Variants in APBA2 observed in about 807,000 individuals in gnomAD.
APBA2 encodes the protein amyloid-beta A4 precursor protein-binding family A member 2.
Under a neutral mutation model 75.0 loss-of-function variants are expected in APBA2, and 30 were observed. That is an observed-to-expected ratio of 0.40 (90% confidence interval 0.30 to 0.54). APBA2 has a LOEUF of 0.54. Among genes scored for constraint, APBA2 ranks in the 20% least tolerant of loss-of-function variants. The probability of loss-of-function intolerance (pLI) is 0.49; values close to 1 mark genes in which losing one functional copy is unlikely to be tolerated. For synonymous variants in APBA2, 444 were observed against 409.6 expected, an observed-to-expected ratio of 1.08 and a Z score of -1.01; for missense variants, 801 against 1,016.1, an observed-to-expected ratio of 0.79 and a Z score of 2.88.
At chr15:28,941,438 A>G (rs560657755) in intron 2 of APBA2, among the ~76,000 whole-genome samples, 20 of 151,416 alleles carry the variant, frequency 1.3e-4, no homozygotes, top group Non-Finnish European at 2.6e-4. Context: ...GCACCTGGCC[A>G]TCAAAAGCCA....
In APBA2 at chr15:29,085,482, A is replaced by G. The variant is rs373349778; in HGVS notation, c.1070-7593A>G. On this transcript the variant is annotated intron_variant, in intron 6 of 14. Coordinates refer to ENST00000683413, the MANE Select transcript of APBA2 (RefSeq NM_001353788.2). ...GGAGCTTGCAGTGAGCCGAGATTGCACCACTGCACTCCAGCCTGGGCGACA... is the reference window on the plus strand; with the variant it reads ...GGAGCTTGCAGTGAGCCGAGATTGCGCCACTGCACTCCAGCCTGGGCGACA... Among the ~76,000 whole-genome samples, 72 of 146,740 alleles carry G rather than the reference A, an allele frequency of 4.9e-4. No individual in the cohort carries two copies. In the South Asian group the frequency reaches 6.3e-3, roughly 13 times the overall value.
intron 6 of APBA2, among the ~76,000 whole-genome samples, chr15:29,092,159 A>G (rs2171892): frequency 0.85 from 129,935 of 152,192 alleles, 58,524 homozygotes; most frequent in Non-Finnish European, 0.99. Flanking sequence ...GTCTACGGCT[A>G]CCTTTACGCC....
intron 1 of APBA2, among the ~76,000 whole-genome samples, chr15:28,900,411 C>G (rs2032781534): frequency 6.6e-6 from 1 of 152,232 alleles, no homozygotes; most frequent in South Asian, 2.1e-4. Flanking sequence ...AGACCAGCAT[C>G]TACTGCCCTG....
At chr15:29,090,974 T>C (rs1009786659) in intron 6 of APBA2, among the ~76,000 whole-genome samples, 12 of 152,260 alleles carry the variant, frequency 7.9e-5, no homozygotes, top group African/African-American at 2.6e-4. Context: ...CACTTCACTC[T>C]GAAGAAGCGC....
At chr15:29,108,515 G>A (rs752644640) in intron 13 of APBA2, 126 bp downstream of exon 13, 84 of 1,497,418 alleles carry the variant, frequency 5.6e-5, no homozygotes, top group Non-Finnish European at 5.6e-5. Context: ...GGTTGCAGCT[G>A]CCCACAGCCA....
Position 28,988,746 on chromosome 15 carries a change from C to CT in APBA2, c.-94-7005dup, listed in dbSNP as rs2038061200. ...GACTTGCTGCTACAAACAAGGTTGT[C>CT]TTGAGTACTCAGGTATGTGTCTCTC... is the stretch of plus-strand genomic sequence containing the variant. On this transcript the variant is annotated intron_variant, in intron 2 of 14. Coordinates refer to ENST00000683413, the MANE Select transcript of APBA2 (RefSeq NM_001353788.2). Among the ~76,000 whole-genome samples the CT allele has an allele frequency of 2.0e-5, 3 of 152,274 alleles. No individual in the cohort carries two copies. The South Asian group carries it at 6.2e-4, about 32-fold the overall frequency.
chr15:28,907,570 C>T (rs537412612), intron 1 of APBA2, among the ~76,000 whole-genome samples: 48 of 152,216 alleles, frequency 3.2e-4, no homozygotes, highest in Non-Finnish European at 6.2e-4. Flanking sequence ...AGGAATCAGG[C>T]GGGAGCCCCC....
At chr15:29,007,111 A>G (rs543085850) in intron 3 of APBA2, among the ~76,000 whole-genome samples, 2 of 152,344 alleles carry the variant, frequency 1.3e-5, no homozygotes, top group East Asian at 1.9e-4. Flanking sequence ...ACCCTGACAT[A>G]TATGGGCAAA....
At chr15:29,069,606 G>A (rs960030263) in intron 4 of APBA2, among the ~76,000 whole-genome samples, 1 of 152,248 alleles carries the variant, frequency 6.6e-6, no homozygotes, top group African/African-American at 2.4e-5. Context: ...TTGTTCATGT[G>A]TGTGTCTGTT....
chr15:29,051,830 C>T (rs1321116474), intron 3 of APBA2, among the ~76,000 whole-genome samples: 1 of 152,100 alleles, frequency 6.6e-6, no homozygotes, highest in African/African-American at 2.4e-5. Flanking sequence ...TGCTGAGGGT[C>T]ACTGATAGCT....
At chr15:29,111,293 G>A (rs778130676) in intron 13 of APBA2, among the ~76,000 whole-genome samples, 1 of 152,002 alleles carries the variant, frequency 6.6e-6, no homozygotes, top group African/African-American at 2.4e-5. Flanking sequence ...TTGTGGATGC[G>A]CTGTTGTTCC....
At chr15:28,976,410 C>T (rs1239534345) in intron 2 of APBA2, among the ~76,000 whole-genome samples, 3 of 152,310 alleles carry the variant, frequency 2.0e-5, no homozygotes, top group East Asian at 1.9e-4. Context: ...TGTCTTATTC[C>T]TTCTTGTAGG....
At chr15:28,964,019 A>G (rs2036609355) in intron 2 of APBA2, among the ~76,000 whole-genome samples, 1 of 152,260 alleles carries the variant, frequency 6.6e-6, no homozygotes, top group African/African-American at 2.4e-5. Flanking sequence ...TTGTAGCCAC[A>G]TGCACAGTCC....
At chr15:28,890,388 G>A (rs191898828) in intron 1 of APBA2, among the ~76,000 whole-genome samples, 22 of 152,146 alleles carry the variant, frequency 1.4e-4, no homozygotes, top group Non-Finnish European at 2.5e-4. Context: ...CAGTCACCTC[G>A]GATGTGGATG....
chr15:28,997,514 A>G (rs1040553668), intron 3 of APBA2, among the ~76,000 whole-genome samples: 4 of 152,206 alleles, frequency 2.6e-5, no homozygotes, highest in Non-Finnish European at 4.4e-5. Flanking sequence ...CACCAGCAGT[A>G]AGGACAGCTT....
chr15:29,015,337 C>T (rs1195154312), intron 3 of APBA2, among the ~76,000 whole-genome samples: 1 of 152,102 alleles, frequency 6.6e-6, no homozygotes, highest in Non-Finnish European at 1.5e-5. Flanking sequence ...TATTTCTTTA[C>T]AGCATCTGTA....
chr15:28,959,258 A>G (rs2036337814), intron 2 of APBA2, among the ~76,000 whole-genome samples: 1 of 152,212 alleles, frequency 6.6e-6, no homozygotes, highest in Non-Finnish European at 1.5e-5. Context: ...AAGTGCTGGG[A>G]TTACAGGCAT....
At chr15:28,989,562 G>A (rs956935871) in intron 2 of APBA2, among the ~76,000 whole-genome samples, 44 of 152,294 alleles carry the variant, frequency 2.9e-4, no homozygotes, top group African/African-American at 1.1e-3. Flanking sequence ...TCTGGCTCCC[G>A]GTCTCCTGGG....
chr15:28,928,052 G>A (rs1339045780), intron 2 of APBA2, among the ~76,000 whole-genome samples: 2 of 150,530 alleles, frequency 1.3e-5, no homozygotes, highest in East Asian at 4.0e-4. Flanking sequence ...GCTGGGGCAG[G>A]AGAATGACGT....
Sources: gnomAD v4.1 joint callset for allele counts (sites outside exome capture counted in the v4.1 genomes callset) on GRCh38, gnomAD v4.1.1 for gene constraint, MANE v1.5 for transcripts, NCBI Gene and HGNC (gene_info 2026-07-23, HGNC 2026-07-21) for gene names.